Variants in RPN1 observed in about 807,000 individuals in gnomAD.
The protein encoded by RPN1 is ribophorin I, also known as dolichyl-diphosphooligosaccharide--protein glycosyltransferase subunit 1.
Under a neutral mutation model 55.5 loss-of-function variants are expected in RPN1, and 12 were observed. That is an observed-to-expected ratio of 0.22 (90% CI 0.14 to 0.35). The LOEUF (loss-of-function observed/expected upper bound fraction) is 0.35, where lower values mean the gene tolerates loss of function less well. Among genes scored for constraint, RPN1 ranks in the 10% least tolerant of loss-of-function variants. The pLI is 1.00. For missense variants in RPN1, 679 were observed against 761.3 expected (o/e 0.89, Z 1.27); for synonymous variants, 317 against 305.9 (o/e 1.04, Z -0.38).
intron 1 of RPN1, among the ~76,000 whole-genome samples, chr3:128,650,183 G>A (rs2107724218): frequency 6.6e-6 from 1 of 152,340 alleles, no homozygotes; most frequent in African/African-American, 2.4e-5. Context: ...CTACCGGCCC[G>A]AGGTCTCCCG....
Position 128,620,357 on chromosome 3 carries a change from C to A in RPN1, c.*54G>T. On this transcript the variant is annotated 3_prime_UTR_variant, in exon 10 of 10. Coordinates refer to ENST00000296255, the MANE Select transcript of RPN1 (RefSeq NM_002950.4). ...CAACCTCCCACTACCACCCAATCTG[C>A]CTGCCACAGCAAAGTGCAGGCACCC... The A allele has an allele frequency of 1.3e-6, 2 of 1,537,634 alleles. No individual in the cohort carries two copies. Among genetic ancestry groups the A allele is most frequent in the Middle Eastern group, 1.8e-4 (1 of 5,682 alleles).
At chr3:128,637,710 C>A in intron 3 of RPN1, 89 bp downstream of exon 3, 1 of 1,376,032 alleles carries the variant, frequency 7.3e-7, no homozygotes, top group South Asian at 1.3e-5. Flanking sequence ...TTCATCCACC[C>A]CACACCACCC....
chr3:128,641,886 C>T (rs1194428630), intron 2 of RPN1, among the ~76,000 whole-genome samples: 2 of 152,164 alleles, frequency 1.3e-5, no homozygotes, highest in Non-Finnish European at 2.9e-5. Flanking sequence ...GCTGGGATTA[C>T]AGGCGTGAGC....
At position 128,622,216 on chromosome 3, in the gene RPN1, A is replaced by G. The variant is rs771771865; in HGVS notation, c.1589T>C (p.Ile530Thr). ...CTTCAGCCTGGACTGCAGCAGTGCA[A>G]TCTCACTGGTCAAGGCCTTGTGTTC... ...ETEHKALTSEIALLQSRLKTE... is the reference protein window; with the variant it reads ...ETEHKALTSETALLQSRLKTE... Residue 530 changes from isoleucine (I) to threonine (T), a missense_variant, in exon 9 of 10, where the codon ATT (isoleucine) becomes ACT (threonine). By Grantham distance (89) the Ile-to-Thr change is moderately conservative. Transcript: ENST00000296255. 3.1e-6 allele frequency: 5 copies of G among 1,614,040 alleles called. No individual in the cohort carries two copies. The South Asian group carries it at 3.3e-5, about 11-fold the overall frequency.
intron 3 of RPN1, among the ~76,000 whole-genome samples, chr3:128,633,348 C>T (rs1026666330): frequency 6.6e-6 from 1 of 151,866 alleles, no homozygotes; most frequent in Non-Finnish European, 1.5e-5. Context: ...ACCTCAAGCC[C>T]CATGAGTGGC....
intron 3 of RPN1, among the ~76,000 whole-genome samples, chr3:128,635,692 C>CAA (rs2069676802): frequency 1.4e-5 from 1 of 71,464 alleles, no homozygotes; most frequent in Non-Finnish European, 2.9e-5. Flanking sequence ...TATAGATATA[C>CAA]ACACACACAC....
intron 3 of RPN1, 87 bp from the exon 4 acceptor site, chr3:128,632,244 A>G (rs760343422): frequency 1.1e-5 from 13 of 1,206,234 alleles, no homozygotes; most frequent in South Asian, 2.6e-5. Flanking sequence ...GACAACCTAT[A>G]TATCAGCAAC....
chr3:128,631,878 G>A lies in RPN1; in HGVS notation c.843+70C>T, dbSNP rs377245823. On this transcript the variant is annotated intron_variant, in intron 4 of 9. Transcript: ENST00000296255. ...ACTGCCTAAATATTTAGCTAGTTTC[G>A]AAAAGCAAAGAATAGGTAGCTGTGA... 9.5e-5 allele frequency: 148 copies of A among 1,551,700 alleles called. No homozygotes were observed. In the East Asian group the frequency reaches 1.1e-3, roughly 11 times the overall value.
rs191192262 is a variant in RPN1, at chr3:128,626,077, C to A, written c.1137-65G>T. ...TACATCAATAAACCAGATTTAGGATCAGAGAATTCCAAGGCTAAGGAGCCT... is the reference window on the plus strand; with the variant it reads ...TACATCAATAAACCAGATTTAGGATAAGAGAATTCCAAGGCTAAGGAGCCT... On this transcript the variant is annotated intron_variant, in intron 6 of 9. Coordinates refer to ENST00000296255, the MANE Select transcript of RPN1 (RefSeq NM_002950.4). The A allele has an allele frequency of 6.1e-6, 9 of 1,487,572 alleles. No individual in the cohort carries two copies. In the East Asian group the frequency reaches 2.0e-4, roughly 34 times the overall value. The allele number at this position is 1,487,572 out of a possible 1,614,324, so 92.1% of individuals were successfully genotyped here.
chr3:128,645,751 A>G (rs755803591), intron 1 of RPN1, among the ~76,000 whole-genome samples: 3 of 152,134 alleles, frequency 2.0e-5, no homozygotes, highest in Admixed American at 6.6e-5. Flanking sequence ...TGGGAGGCAG[A>G]GGTTGCAGTG....
chr3:128,644,850 T>C, intron 2 of RPN1, 69 bp downstream of exon 2: 5 of 868,302 alleles, frequency 5.8e-6, no homozygotes, highest in Non-Finnish European at 7.8e-6. Context: ...TCCTAGTTTA[T>C]GATCCCATAT....
intron 5 of RPN1, chr3:128,627,212 C>T (rs1372834755): frequency 4.0e-6 from 1 of 247,608 alleles, no homozygotes; most frequent in Non-Finnish European, 8.1e-6. Context: ...TGTGCCCTGC[C>T]TAATGGTGAG....
intron 2 of RPN1, among the ~76,000 whole-genome samples, chr3:128,640,112 C>T (rs1370073033): frequency 2.0e-5 from 3 of 151,914 alleles, no homozygotes; most frequent in Admixed American, 2.0e-4. Context: ...GCGGAGGTTG[C>T]AGTGAGCCGA....
chr3:128,638,132 T>C, intron 2 of RPN1, 27 bp from the exon 3 acceptor site: 1 of 1,563,342 alleles, frequency 6.4e-7, no homozygotes, highest in South Asian at 1.1e-5. Context: ...GCAAGAGAAG[T>C]AAGAGAGACT....
At chr3:128,628,707 C>A (rs908412163) in intron 5 of RPN1, among the ~76,000 whole-genome samples, 17 of 151,312 alleles carry the variant, frequency 1.1e-4, no homozygotes, top group African/African-American at 4.1e-4. Context: ...ACAGGCCTGG[C>A]ACAGTGGCTT....
intron 7 of RPN1, 79 bp downstream of exon 7, chr3:128,625,795 G>A (rs2069594479): frequency 6.4e-7 from 1 of 1,553,880 alleles, no homozygotes; most frequent in Non-Finnish European, 8.8e-7. Flanking sequence ...CCCAAGGAGG[G>A]ACAGAAGGTG....
At position 128,620,361 on chromosome 3, in the gene RPN1, C is replaced by T. The variant is rs773382611; in HGVS notation, c.*50G>A. On this transcript the variant is annotated 3_prime_UTR_variant, in exon 10 of 10. Transcript: ENST00000296255. ...CTCCCACTACCACCCAATCTGCCTG[C>T]CACAGCAAAGTGCAGGCACCCTGGG... 6.5e-6 allele frequency: 10 copies of T among 1,549,114 alleles called. No homozygotes were observed. In the Admixed American group the frequency reaches 1.8e-4, roughly 28 times the overall value.
chr3:128,637,723 G>C, intron 3 of RPN1, 76 bp downstream of exon 3: 1 of 1,465,506 alleles, frequency 6.8e-7, no homozygotes, highest in Non-Finnish European at 9.4e-7. Flanking sequence ...CACCACCCAA[G>C]CCTATCAACC....
intron 4 of RPN1, 81 bp from the exon 5 acceptor site, chr3:128,630,224 C>T (rs767011780): frequency 1.7e-4 from 150 of 880,758 alleles, no homozygotes; most frequent in Non-Finnish European, 2.5e-4. Context: ...AGACTTCCTG[C>T]ACCAAGATCC....
Sources: gnomAD v4.1 joint callset for allele counts (sites outside exome capture counted in the v4.1 genomes callset) on GRCh38, gnomAD v4.1.1 for gene constraint, MANE v1.5 for transcripts, NCBI Gene and HGNC (gene_info 2026-07-23, HGNC 2026-07-21) for gene names.